Variants in NTM observed in about 807,000 individuals in gnomAD.
NTM encodes the protein neurotrimin, also known as IgLON family member 2.
Under a neutral mutation model 42.1 loss-of-function variants are expected in NTM, and 13 were observed. The ratio of observed to expected loss-of-function variants is 0.31; its 90% CI spans 0.20 to 0.49. The LOEUF is 0.49. Ranked by LOEUF, NTM falls within the 20% of genes least tolerant of loss-of-function variation. The pLI, the probability that NTM is intolerant of heterozygous loss-of-function variation, is 0.99. For synonymous variants in NTM, 187 were observed against 179.2 expected (o/e 1.04, Z -0.35); for missense variants, 373 against 452.8 (o/e 0.82, Z 1.60).
chr11:131,511,984 C>T (rs961114100), intron 1 of NTM, among the ~76,000 whole-genome samples: 8 of 152,126 alleles, frequency 5.3e-5, no homozygotes, highest in Non-Finnish European at 8.8e-5. Context: ...GTGAAGCCAG[C>T]GCCACCTGCT....
At chr11:132,283,319 T>G (rs1200598769) in intron 4 of NTM, among the ~76,000 whole-genome samples, 1 of 152,138 alleles carries the variant, frequency 6.6e-6, no homozygotes, top group Non-Finnish European at 1.5e-5. Flanking sequence ...GTGTAAAAGC[T>G]AAACATCTGG....
At chr11:131,821,783 G>A (rs186883194) in intron 1 of NTM, among the ~76,000 whole-genome samples, 116 of 152,282 alleles carry the variant, frequency 7.6e-4, no homozygotes, top group African/African-American at 2.6e-3. Context: ...CAAATACTAG[G>A]GTTGGAAGAC....
chr11:131,791,440 C>T (rs939910633), intron 1 of NTM, among the ~76,000 whole-genome samples: 1 of 152,152 alleles, frequency 6.6e-6, no homozygotes, highest in African/African-American at 2.4e-5. Context: ...TCAATATATG[C>T]ATACAGAGAA....
At chr11:131,418,673 AG>A (rs1183348606) in intron 1 of NTM, among the ~76,000 whole-genome samples, 1 of 152,222 alleles carries the variant, frequency 6.6e-6, no homozygotes, top group Non-Finnish European at 1.5e-5. Context: ...CTCTGTGCAA[AG>A]CCAACTACTT....
At chr11:131,791,205 T>G (rs1033272073) in intron 1 of NTM, among the ~76,000 whole-genome samples, 6 of 152,326 alleles carry the variant, frequency 3.9e-5, no homozygotes, top group African/African-American at 1.4e-4. Flanking sequence ...CTGACTTTAA[T>G]CTAAGTGTAT....
At chr11:131,576,620 C>T (rs2057959719) in intron 1 of NTM, among the ~76,000 whole-genome samples, 1 of 152,182 alleles carries the variant, frequency 6.6e-6, no homozygotes, top group Non-Finnish European at 1.5e-5. Context: ...AAATGCCTAA[C>T]TCAAAAGAAA....
In NTM at chr11:131,974,236, G is replaced by A. The variant is rs560006059; in HGVS notation, c.167+62588G>A. On this transcript the variant is annotated intron_variant, in intron 2 of 8. Coordinates refer to ENST00000683400, the MANE Select transcript of NTM (RefSeq NM_001352005.2). ...GTTATATCCAGATTTTCAACTATAT[G>A]GGGGCTTGGAACCCTAACTCCTGAG... 2.0e-5 allele frequency among the ~76,000 whole-genome samples: 3 copies of A among 152,206 alleles called. No homozygotes were observed. The South Asian group carries it at 6.2e-4, about 32-fold the overall frequency.
intron 4 of NTM, among the ~76,000 whole-genome samples, chr11:132,221,132 T>C (rs1021078621): frequency 6.6e-6 from 1 of 152,198 alleles, no homozygotes; most frequent in African/African-American, 2.4e-5. Flanking sequence ...TGTATTTTTC[T>C]GACTTTGTGC....
chr11:131,475,048 C>T (rs1952789560), intron 1 of NTM, among the ~76,000 whole-genome samples: 1 of 152,196 alleles, frequency 6.6e-6, no homozygotes, highest in African/African-American at 2.4e-5. Context: ...TGTTTTCTAG[C>T]TGTCTGCTCA....
chr11:131,394,674 A>G (rs1235674670), intron 1 of NTM, among the ~76,000 whole-genome samples: 3 of 152,158 alleles, frequency 2.0e-5, no homozygotes, highest in African/African-American at 4.8e-5. Flanking sequence ...GCTATCTAAG[A>G]AGAAGAGCCC....
At chr11:131,641,357 T>C (rs1162396226) in intron 1 of NTM, among the ~76,000 whole-genome samples, 3 of 152,182 alleles carry the variant, frequency 2.0e-5, no homozygotes, top group African/African-American at 4.8e-5. Flanking sequence ...TTAGACTACA[T>C]TGGTGGTTTT....
Position 132,146,513 on chromosome 11 carries a change from A to C in NTM, c.399A>C (p.Gln133His). The change falls in exon 3 of 9, where the codon CAA becomes CAC. Residue 133 changes from glutamine (Q) to histidine (H), a missense_variant and splice_region_variant. By Grantham distance (24) the Gln-to-His change is conservative. This residue lies in a region of NTM where 312 missense variants were observed against 353.5 expected (regional missense o/e 0.88). Coordinates refer to ENST00000683400, the MANE Select transcript of NTM (RefSeq NM_001352005.2). This position sits in a 1 kb window ranked among gnomAD's most constrained non-coding sequence, Gnocchi z 4.5. ...CCTCTAGGGTCCACCTCATTGTGCA[A>C]GGTAGGTGGGCGGGGCTTGGCGGGG... The part of the protein sequence containing the change: ...PKTSRVHLIV[Q>H]VSPKIVEISS... The C allele has an allele frequency of 9.3e-6, 15 of 1,613,028 alleles. No individual in the cohort carries two copies. Among genetic ancestry groups the C allele is most frequent in the Non-Finnish European group, 1.3e-5 (15 of 1,179,112 alleles).
chr11:131,501,115 A>G (rs555681426), intron 1 of NTM, among the ~76,000 whole-genome samples: 2 of 152,146 alleles, frequency 1.3e-5, no homozygotes, highest in South Asian at 2.1e-4. Flanking sequence ...ACCTGCCTAG[A>G]TACGTAACCA....
rs2090305090 is a variant in NTM, at chr11:131,789,557, AAGAAGAAG to A, written c.83-122005_83-121998del. On this transcript the variant is annotated intron_variant, in intron 1 of 8. Coordinates refer to ENST00000683400, the MANE Select transcript of NTM (RefSeq NM_001352005.2). ...AGAAGAAGAAGAAGAAAAGAAGAAG[AAGAAGAAG>A]AAGAAGAAGAAGAAGAAGAAGAAGA... Among the ~76,000 whole-genome samples, 2 of 19,516 alleles carry A rather than the reference AAGAAGAAG, an allele frequency of 1.0e-4. 1 individual carries two copies. Among genetic ancestry groups the A allele is most frequent in the Admixed American group, 1.2e-3 (2 of 1,636 alleles). The allele number at this position is 19,516 out of a possible 152,430, so 12.8% of individuals were successfully genotyped here.
intron 1 of NTM, among the ~76,000 whole-genome samples, chr11:131,523,803 AAAGAAT>A (rs1565598082): frequency 1.3e-5 from 2 of 151,110 alleles, no homozygotes; most frequent in Non-Finnish European, 2.9e-5. Context: ...AAAAAAAAAA[AAAGAAT>A]AAGAAGAAGA....
chr11:131,977,146 A>T (rs2064517266), intron 2 of NTM, among the ~76,000 whole-genome samples: 1 of 152,016 alleles, frequency 6.6e-6, no homozygotes, highest in South Asian at 2.1e-4. Flanking sequence ...TCAGAAATGC[A>T]TGGATTGATC....
At chr11:132,048,245 C>T (rs868518902) in intron 2 of NTM, among the ~76,000 whole-genome samples, 15 of 152,208 alleles carry the variant, frequency 9.9e-5, no homozygotes, top group Non-Finnish European at 1.9e-4. Context: ...GACAGCAATA[C>T]CCCCCATGCC....
chr11:131,444,909 T>A (rs944125936), intron 1 of NTM, among the ~76,000 whole-genome samples: 3 of 152,188 alleles, frequency 2.0e-5, no homozygotes, highest in Non-Finnish European at 2.9e-5. Context: ...AGACCTTGAT[T>A]TTCTCATAAA....
At chr11:132,122,122 C>A (rs2064940842) in intron 2 of NTM, among the ~76,000 whole-genome samples, 1 of 152,206 alleles carries the variant, frequency 6.6e-6, no homozygotes, top group African/African-American at 2.4e-5. Flanking sequence ...CTGTAGCAAG[C>A]CATTGTGCTA....
Sources: allele counts gnomAD v4.1 joint callset (sites outside exome capture counted in the v4.1 genomes callset), GRCh38; gene constraint gnomAD v4.1.1; regional missense constraint gnomAD v4.1.1; non-coding constraint Gnocchi (gnomAD v3.1); transcripts MANE v1.5; gene names NCBI Gene and HGNC (gene_info 2026-07-23, HGNC 2026-07-21).